The following DOP1B variants were observed in gnomAD, a reference collection of about 807,000 sequenced individuals.
DOP1B encodes DOP1 leucine zipper like protein B.
In DOP1B, 174 loss-of-function variants were observed where a neutral mutation model predicts 233.5. The observed-to-expected ratio is 0.75, with a 90% CI of 0.66 to 0.85. DOP1B has a LOEUF of 0.85. Among genes scored for constraint, DOP1B ranks in the 40% least tolerant of loss-of-function variants. The probability of loss-of-function intolerance (pLI) is 0.00; values close to 1 mark genes in which losing one functional copy is unlikely to be tolerated. For missense variants in DOP1B, 2,652 were observed against 2,846.6 expected (o/e 0.93, Z 1.56); for synonymous variants, 1,190 against 1,185.6 (o/e 1.00, Z -0.08).
intron 27 of DOP1B, among the ~76,000 whole-genome samples, chr21:36,273,507 TA>T (rs2067314547): frequency 1.3e-5 from 2 of 152,036 alleles, no homozygotes; most frequent in Admixed American, 1.3e-4. Context: ...AGTAATGTGA[TA>T]AGGAGTGGCT....
At chr21:36,215,684 T>C (rs2066550861) in intron 9 of DOP1B, among the ~76,000 whole-genome samples, 1 of 145,314 alleles carries the variant, frequency 6.9e-6, no homozygotes, top group Non-Finnish European at 1.5e-5. Context: ...GGATTACAGG[T>C]GTGAGCCACT....
At position 36,227,714 on chromosome 21, in the gene DOP1B, A is replaced by C; in HGVS notation, c.1502A>C (p.Tyr501Ser). Residue 501 changes from tyrosine (Y) to serine (S), a missense_variant, in exon 13 of 37, where the codon TAT becomes TCT. By Grantham distance (144) the Tyr-to-Ser change is moderately radical (BLOSUM62 -2). Coordinates refer to ENST00000691173, the MANE Select transcript of DOP1B (RefSeq NM_001320714.2). ...LELYSEVQTQ[Y>S]LPQVLGCLVQ... Reference sequence around the variant, plus strand: ...CTTTACTCTGAGGTGCAAACCCAGTATCTCCCTCAGGTGCTCGGCTGCCTG... The same window carrying C: ...CTTTACTCTGAGGTGCAAACCCAGTCTCTCCCTCAGGTGCTCGGCTGCCTG... The C allele has an allele frequency of 6.3e-7, 1 of 1,582,374 alleles. No individual in the cohort carries two copies. The highest frequency in any genetic ancestry group is 1.1e-5 in the South Asian group (1 of 88,262).
At position 36,239,823 on chromosome 21, in the gene DOP1B, G is replaced by A. The variant is rs559929390; in HGVS notation, c.2935G>A (p.Ala979Thr). 6.4e-7 allele frequency: 1 copy of A among 1,569,896 alleles called. No individual in the cohort carries two copies. The change falls in exon 18 of 37, where the codon GCC becomes ACC. Residue 979 changes from alanine (A) to threonine (T), a missense_variant. Physicochemically the swap from Ala to Thr is moderately conservative, Grantham distance 58. Around this residue, in one of 3 missense-constraint regions of DOP1B, gnomAD observed 2,617 missense variants for 2,794.3 expected, o/e 0.94. Coordinates refer to ENST00000691173, the MANE Select transcript of DOP1B (RefSeq NM_001320714.2). The stretch of plus-strand genomic sequence containing the variant: ...CACGGATGGTGCCATCGGTGCGGCA[G>A]CCCAGGGCTGGCTGGTGCGTGCGCT... ...ACTDGAIGAA[A>T]QGWLVRALSL... is the part of the protein sequence containing the mutation.
chr21:36,180,434 G>A (rs2066084031), intron 2 of DOP1B, among the ~76,000 whole-genome samples: 3 of 151,280 alleles, frequency 2.0e-5, no homozygotes, highest in African/African-American at 7.3e-5. Context: ...GCTGGGTGTG[G>A]TGGCGCACAC....
intron 3 of DOP1B, among the ~76,000 whole-genome samples, chr21:36,199,657 A>T (rs1049057233): frequency 2.0e-5 from 3 of 151,916 alleles, no homozygotes; most frequent in Admixed American, 6.6e-5. Flanking sequence ...TCATTGTTCA[A>T]TCCCCACCTA....
At chr21:36,182,522 A>C (rs2066111987) in intron 2 of DOP1B, among the ~76,000 whole-genome samples, 2 of 152,032 alleles carry the variant, frequency 1.3e-5, no homozygotes. Context: ...CTGCCACGAC[A>C]GGGAAAGATA....
At chr21:36,208,580 C>T (rs915159421) in intron 4 of DOP1B, 135 bp from the exon 5 acceptor site, 22 of 892,770 alleles carry the variant, frequency 2.5e-5, no homozygotes, top group Admixed American at 1.2e-4. Flanking sequence ...CAGCGGCTCC[C>T]GGCGATGAGG....
At chr21:36,193,780 A>G (rs1470088920) in intron 2 of DOP1B, among the ~76,000 whole-genome samples, 1 of 152,114 alleles carries the variant, frequency 6.6e-6, no homozygotes, top group African/African-American at 2.4e-5. Context: ...GGCCTTTACC[A>G]CTGATCCAAG....
chr21:36,207,367 TAG>T (rs1483556232), intron 4 of DOP1B, among the ~76,000 whole-genome samples: 1 of 151,924 alleles, frequency 6.6e-6, no homozygotes, highest in African/African-American at 2.4e-5. Context: ...GCATTTTTAA[TAG>T]AGATGGGGTT....
chr21:36,280,054 T>C (rs2067398888), intron 30 of DOP1B, among the ~76,000 whole-genome samples: 1 of 152,200 alleles, frequency 6.6e-6, no homozygotes, highest in Non-Finnish European at 1.5e-5. Flanking sequence ...TTTGTATTTT[T>C]AGTAGAGACA....
chr21:36,251,887 A>T (rs1007088548), intron 22 of DOP1B, among the ~76,000 whole-genome samples: 1 of 152,154 alleles, frequency 6.6e-6, no homozygotes, highest in African/African-American at 2.4e-5. Context: ...TACATATAAG[A>T]GTATATATAA....
At chr21:36,288,491 G>A (rs986105728) in intron 33 of DOP1B, among the ~76,000 whole-genome samples, 1 of 152,040 alleles carries the variant, frequency 6.6e-6, no homozygotes, top group Non-Finnish European at 1.5e-5. Context: ...CCAGGAGTTC[G>A]AGACTAGCCT....
At chr21:36,197,597 T>C (rs2066306055) in intron 2 of DOP1B, among the ~76,000 whole-genome samples, 1 of 152,172 alleles carries the variant, frequency 6.6e-6, no homozygotes, top group Non-Finnish European at 1.5e-5. Context: ...TCTGCCTCCC[T>C]GAGATGGGGG....
Position 36,164,832 on chromosome 21 carries a change from A to G in DOP1B, c.99A>G (p.Glu33=), listed in dbSNP as rs772779609. Residue 33 remains glutamate (E), a synonymous_variant, in exon 2 of 37, where the codon GAA becomes GAG. Transcript: ENST00000691173. The part of the protein sequence containing the change: ...KALRNFESSS[E]WADLISSLGK... ...TGAGAAATTTTGAGTCCTCGAGTGA[A>G]TGGGCGGATCTCATATCTTCACTTG... The G allele has an allele frequency of 1.2e-5, 19 of 1,612,416 alleles. No homozygotes were observed. Among genetic ancestry groups the G allele is most frequent in the African/African-American group, 2.7e-5 (2 of 74,838 alleles).
intron 14 of DOP1B, among the ~76,000 whole-genome samples, chr21:36,231,867 G>T (rs1192104325): frequency 1.6e-5 from 2 of 125,190 alleles, no homozygotes; most frequent in African/African-American, 6.2e-5. Flanking sequence ...TTTTTTTTGA[G>T]ACAGCGTCTT....
chr21:36,163,344 C>CAG (rs1555885054), intron 1 of DOP1B, among the ~76,000 whole-genome samples: 17 of 107,760 alleles, frequency 1.6e-4, no homozygotes, highest in Admixed American at 3.2e-4. Flanking sequence ...GACTCTGTCT[C>CAG]AAAAAAAAAA....
chr21:36,193,157 A>G (rs2066252338), intron 2 of DOP1B, among the ~76,000 whole-genome samples: 1 of 152,198 alleles, frequency 6.6e-6, no homozygotes, highest in South Asian at 2.1e-4. Context: ...TTCCTCATCC[A>G]TTGCGAGGTT....
intron 32 of DOP1B, among the ~76,000 whole-genome samples, chr21:36,284,265 C>CTTTTTTTTTTTTTTTTT (rs71326667): frequency 2.6e-5 from 2 of 75,872 alleles, no homozygotes; most frequent in South Asian, 4.4e-4. Flanking sequence ...TTCCTTCTTT[C>CTTTTTTTTTTTTTTTTT]TTTTTTTTTT....
intron 26 of DOP1B, among the ~76,000 whole-genome samples, chr21:36,267,389 G>C (rs2067241866): frequency 6.6e-6 from 1 of 152,224 alleles, no homozygotes; most frequent in Non-Finnish European, 1.5e-5. Context: ...TCAGCGTGCT[G>C]CAATGACTTG....
Sources: allele counts gnomAD v4.1 joint callset (sites outside exome capture counted in the v4.1 genomes callset), GRCh38; gene constraint gnomAD v4.1.1; regional missense constraint gnomAD v4.1.1; transcripts MANE v1.5; gene names NCBI Gene and HGNC (gene_info 2026-07-23, HGNC 2026-07-21).